ABCC1: variants seen among roughly 807,000 people sequenced by gnomAD.
ABCC1 encodes ATP binding cassette subfamily C member 1 (ABCC1 blood group).
In ABCC1, 83 loss-of-function variants were observed where a neutral mutation model predicts 172.9. The observed-to-expected ratio is 0.48, with a 90% CI of 0.40 to 0.58. The LOEUF (loss-of-function observed/expected upper bound fraction) is 0.58, where lower values mean the gene tolerates loss of function less well. ABCC1 is among the 20% of genes least tolerant of loss of function. ABCC1 has a pLI of 0.00. For missense variants in ABCC1, 1,817 were observed against 2,002.7 expected, an observed-to-expected ratio of 0.91 and a Z score of 1.77; for synonymous variants, 937 against 825.2, an observed-to-expected ratio of 1.14 and a Z score of -2.32.
chr16:15,954,683 C>T lies in ABCC1; in HGVS notation c.48+4884C>T, dbSNP rs11645172. 8.0e-3 allele frequency among the ~76,000 whole-genome samples: 1,223 copies of T among 152,238 alleles called. 7 individuals carry two copies. Among genetic ancestry groups the T allele is most frequent in the Non-Finnish European group, 0.014 (933 of 68,026 alleles). On this transcript the variant is annotated intron_variant, in intron 1 of 30. Transcript: ENST00000399410. ...GGGCCCTGCAGAAGGCAGCTGCAGC[C>T]GGTCCCTTTGGCCAAGACTCTCCTG...
intron 3 of ABCC1, among the ~76,000 whole-genome samples, chr16:16,012,705 TGAG>T (rs1567312720): frequency 0.097 from 14,299 of 147,000 alleles, 855 homozygotes; most frequent in African/African-American, 0.15. Flanking sequence ...TTTTTTCCTT[TGAG>T]GCAGAGTTTC....
intron 1 of ABCC1, among the ~76,000 whole-genome samples, chr16:16,004,340 T>A (rs1350732551): frequency 6.6e-6 from 1 of 152,174 alleles, no homozygotes; most frequent in Non-Finnish European, 1.5e-5. Context: ...AGTCTTGGTA[T>A]CGTTTTCTTT....
chr16:16,028,583 G>A (rs999794938), intron 5 of ABCC1, among the ~76,000 whole-genome samples: 15 of 152,088 alleles, frequency 9.9e-5, no homozygotes, highest in African/African-American at 3.4e-4. Flanking sequence ...GGGCAGGAAG[G>A]TGTCAGCTCT....
chr16:16,115,015 TG>T lies in ABCC1; in HGVS notation c.3331del (p.Ala1111ProfsTer30), dbSNP rs1216578213. The T allele has an allele frequency of 1.2e-6, 2 of 1,614,246 alleles. No individual in the cohort carries two copies. Among genetic ancestry groups the T allele is most frequent in the Non-Finnish European group, 1.7e-6 (2 of 1,180,046 alleles). On this transcript the variant is annotated frameshift_variant, in exon 23 of 31. Transcript: ENST00000399410. LOFTEE classifies it high-confidence loss of function. ...NVIGACIVIL[L>X]ATPIAAIIIP... ...ATTGGTGCCTGCATCGTTATCCTGCTGGCCACGCCCATCGCCGCCATCATCA... is the reference window on the plus strand; with the variant it reads ...ATTGGTGCCTGCATCGTTATCCTGCTGCCACGCCCATCGCCGCCATCATCA...
intron 29 of ABCC1, 51 bp from the exon 30 acceptor site, chr16:16,138,313 C>T (rs1188041675): frequency 1.3e-6 from 2 of 1,526,272 alleles, no homozygotes; most frequent in East Asian, 2.3e-5. Context: ...GGTTCAGGGT[C>T]AGGGGTGGTT....
At chr16:16,019,650 C>T (rs2048126925) in intron 5 of ABCC1, among the ~76,000 whole-genome samples, 1 of 152,156 alleles carries the variant, frequency 6.6e-6, no homozygotes, top group Non-Finnish European at 1.5e-5. Flanking sequence ...GGATAAATTC[C>T]CTTTCACTTC....
chr16:16,091,019 C>G (rs987243472), intron 19 of ABCC1, among the ~76,000 whole-genome samples: 1 of 152,098 alleles, frequency 6.6e-6, no homozygotes, highest in Non-Finnish European at 1.5e-5. Context: ...GTTAAGCTGG[C>G]AGGCTCGGGT....
chr16:16,046,005 T>C lies in ABCC1; in HGVS notation c.1210T>C (p.Tyr404His). 6.2e-7 allele frequency: 1 copy of C among 1,614,104 alleles called. No homozygotes were observed. Among genetic ancestry groups the C allele is most frequent in the Non-Finnish European group, 8.5e-7 (1 of 1,180,016 alleles). ...CAAGACCGCTGTCATTGGGGCTGTCTATCGGAAGGTAGGGGACGCTGTGCC... is the reference window on the plus strand; with the variant it reads ...CAAGACCGCTGTCATTGGGGCTGTCCATCGGAAGGTAGGGGACGCTGTGCC... ...RIKTAVIGAV[Y>H]RKALVITNSA... The change falls in exon 9 of 31, where the codon TAT becomes CAT. Residue 404 changes from tyrosine to histidine, a missense_variant. Physicochemically the swap from Tyr to His is moderately conservative, Grantham distance 83 (BLOSUM62 2). Around this residue, in one of 3 missense-constraint regions of ABCC1, gnomAD observed 1,412 missense variants for 1,600.3 expected, o/e 0.88. Transcript: ENST00000399410.
intron 23 of ABCC1, among the ~76,000 whole-genome samples, chr16:16,118,883 TAAA>T (rs397855738): frequency 0.023 from 2,731 of 118,402 alleles, 105 homozygotes; most frequent in African/African-American, 0.081. Context: ...AAGTGTATAT[TAAA>T]AAAAAAAAAA....
intron 26 of ABCC1, 132 bp downstream of exon 26, chr16:16,126,043 T>C (rs2045419280): frequency 1.7e-6 from 1 of 573,608 alleles, no homozygotes; most frequent in Admixed American, 3.3e-5. Flanking sequence ...ATCTTAACGC[T>C]TGTCCAGTCT....
At chr16:16,128,684 C>T (rs1438898151) in intron 26 of ABCC1, among the ~76,000 whole-genome samples, 1 of 152,282 alleles carries the variant, frequency 6.6e-6, no homozygotes, top group Non-Finnish European at 1.5e-5. Context: ...TAGAGATACA[C>T]TTGTTGTTTT....
At chr16:16,079,549 T>G in intron 16 of ABCC1, 71 bp downstream of exon 16, 1 of 1,543,890 alleles carries the variant, frequency 6.5e-7, no homozygotes, top group Non-Finnish European at 8.8e-7. Flanking sequence ...GAAATGATGG[T>G]GTTTCTTTTG....
chr16:15,984,448 C>CGTTTTTTT lies in ABCC1; in HGVS notation c.49-23368_49-23367insGTTTTTTT, dbSNP rs61396501. Among the ~76,000 whole-genome samples the CGTTTTTTT allele has an allele frequency of 1.4e-4, 20 of 146,942 alleles. 4 individuals are homozygous for CGTTTTTTT. Among genetic ancestry groups the CGTTTTTTT allele is most frequent in the Non-Finnish European group, 1.5e-4 (10 of 66,856 alleles). On this transcript the variant is annotated intron_variant, in intron 1 of 30. Coordinates refer to ENST00000399410, the MANE Select transcript of ABCC1 (RefSeq NM_004996.4). ...TTTTTATTGTTTACCTTGATATATA[C>CGTTTTTTT]TTTTTTTTTTTTTGAGATAGAGTCT...
At chr16:15,976,621 G>C (rs1266412161) in intron 1 of ABCC1, among the ~76,000 whole-genome samples, 1 of 152,164 alleles carries the variant, frequency 6.6e-6, no homozygotes, top group African/African-American at 2.4e-5. Context: ...AATCTTGGAG[G>C]CTGGAGGATT....
At chr16:15,978,322 C>T (rs1449254986) in intron 1 of ABCC1, among the ~76,000 whole-genome samples, 1 of 152,122 alleles carries the variant, frequency 6.6e-6, no homozygotes, top group African/African-American at 2.4e-5. Context: ...GCTGTGATTG[C>T]ACACGACTGC....
chr16:16,075,047 C>T (rs930472952), intron 14 of ABCC1, among the ~76,000 whole-genome samples: 15 of 150,384 alleles, frequency 1.0e-4, no homozygotes, highest in African/African-American at 2.7e-4. Context: ...TGGTTTCAAG[C>T]GATTCTCATG....
intron 7 of ABCC1, among the ~76,000 whole-genome samples, chr16:16,041,756 C>T (rs538684399): frequency 2.0e-5 from 3 of 152,184 alleles, no homozygotes; most frequent in Admixed American, 2.0e-4. Context: ...GCATGGCTTC[C>T]TGGATCCTTT....
At chr16:15,967,363 T>C (rs763217615) in intron 1 of ABCC1, among the ~76,000 whole-genome samples, 7 of 152,024 alleles carry the variant, frequency 4.6e-5, no homozygotes, top group Non-Finnish European at 8.8e-5. Flanking sequence ...GGTGAGTCTC[T>C]TGGACAAGAT....
chr16:16,076,917 A>G (rs2050598570), intron 15 of ABCC1, among the ~76,000 whole-genome samples: 1 of 152,068 alleles, frequency 6.6e-6, no homozygotes. Flanking sequence ...GGCAATCGCT[A>G]TGCCTTCAGA....
Sources: allele counts gnomAD v4.1 joint callset (sites outside exome capture counted in the v4.1 genomes callset), GRCh38; gene constraint gnomAD v4.1.1; regional missense constraint gnomAD v4.1.1; transcripts MANE v1.5; gene names NCBI Gene and HGNC (gene_info 2026-07-23, HGNC 2026-07-21).